TLE3: variants seen among roughly 807,000 people sequenced by gnomAD.
TLE3 encodes the protein TLE family member 3, transcriptional corepressor, also known as transducin-like enhancer protein 3.
A neutral mutation model predicts 93.0 loss-of-function variants in TLE3; 14 were observed. The ratio of observed to expected loss-of-function variants is 0.15; its 90% CI spans 0.10 to 0.24. TLE3 has a LOEUF of 0.24. Ranked by LOEUF, TLE3 falls within the 10% of genes least tolerant of loss-of-function variation. The pLI is 1.00. For synonymous variants in TLE3, 451 were observed against 425.0 expected (o/e 1.06, Z -0.75); for missense variants, 693 against 1,046.6 (o/e 0.66, Z 4.66).
intron 4 of TLE3, among the ~76,000 whole-genome samples, chr15:70,078,441 A>G (rs185410312): frequency 9.1e-4 from 139 of 152,392 alleles, no homozygotes; most frequent in African/African-American, 3.3e-3. Flanking sequence ...TAGGAAGCTC[A>G]CAGGTCCAAG....
intron 16 of TLE3, chr15:70,053,584 G>C: frequency 2.1e-6 from 1 of 481,480 alleles, no homozygotes; most frequent in Non-Finnish European, 3.5e-6. Flanking sequence ...GGTTTGCCCA[G>C]GGACAAGTCC....
intron 8 of TLE3, among the ~76,000 whole-genome samples, chr15:70,064,039 G>T (rs554915231): frequency 6.6e-6 from 1 of 152,282 alleles, no homozygotes; most frequent in East Asian, 1.9e-4. Context: ...GAAGATCCAG[G>T]GCTGGTCAGC....
intron 4 of TLE3, among the ~76,000 whole-genome samples, chr15:70,087,207 C>T (rs764674134): frequency 1.4e-4 from 22 of 152,134 alleles, no homozygotes; most frequent in Non-Finnish European, 2.6e-4. Flanking sequence ...ACAAAATGGT[C>T]CTGTCCCTCA....
At chr15:70,066,880 T>C (rs1397795399) in intron 6 of TLE3, 2 of 353,338 alleles carry the variant, frequency 5.7e-6, no homozygotes, top group Non-Finnish European at 1.2e-5. Flanking sequence ...GCTCTGGCAC[T>C]TCCTAGCTGT....
intron 14 of TLE3, 43 bp from the exon 15 acceptor site, chr15:70,055,341 C>A: frequency 6.5e-7 from 1 of 1,534,712 alleles, no homozygotes. Flanking sequence ...CCACCCCGGC[C>A]CCTCAGAGTT....
At chr15:70,077,155 A>G (rs1022685703) in intron 4 of TLE3, among the ~76,000 whole-genome samples, 29 of 152,364 alleles carry the variant, frequency 1.9e-4, no homozygotes, top group South Asian at 2.1e-4. Flanking sequence ...CCAACACCCT[A>G]GAAAAGACTG....
rs185980106 is a variant in TLE3 at position 70,070,012 on chromosome 15, A to G, written c.373-3794T>C. 3.9e-5 allele frequency among the ~76,000 whole-genome samples: 6 copies of G among 152,382 alleles called. No individual in the cohort carries two copies. The East Asian group carries it at 1.2e-3, about 29-fold the overall frequency. ...TCCCCATGGCAGAGAAATGGAATCA[A>G]TTCCACAATCAGAGACCGCCTGTCT... is the stretch of plus-strand genomic sequence containing the variant. On this transcript the variant is annotated intron_variant, in intron 6 of 19. Coordinates refer to ENST00000451782, the MANE Select transcript of TLE3 (RefSeq NM_001105192.3).
chr15:70,065,874 G>C (rs1048200442), intron 7 of TLE3, 140 bp downstream of exon 7: 2 of 905,214 alleles, frequency 2.2e-6, no homozygotes, highest in Non-Finnish European at 3.4e-6. Flanking sequence ...CCCTGCACCA[G>C]GTATCAACAG....
In TLE3 at chr15:70,059,456, C is replaced by G; in HGVS notation, c.719G>C (p.Ser240Thr). Residue 240 changes from serine (S) to threonine (T), a missense_variant, in exon 10 of 20, where the codon AGT (serine) becomes ACT (threonine). Ser to Thr is a moderately conservative substitution (Grantham distance 58, BLOSUM62 1). Coordinates refer to ENST00000451782, the MANE Select transcript of TLE3 (RefSeq NM_001105192.3). ...EEKDSLSRYD[S>T]DGDKSDDLVV... The stretch of plus-strand genomic sequence containing the variant: ...CAGATCATCACTCTTGTCTCCATCA[C>G]TGTCCTGCAACCAAGAGAGAAGCCA... 1 of 1,609,304 alleles carries G rather than the reference C, an allele frequency of 6.2e-7. No individual in the cohort carries two copies. The highest frequency in any genetic ancestry group is 8.5e-7 in the Non-Finnish European group (1 of 1,177,820).
At chr15:70,074,243 C>T (rs117627301) in intron 6 of TLE3, among the ~76,000 whole-genome samples, 11 of 152,322 alleles carry the variant, frequency 7.2e-5, no homozygotes, top group Non-Finnish European at 1.0e-4. Context: ...CCCCCACCCT[C>T]CTCAATGGCA....
chr15:70,066,470 G>A (rs1032360256), intron 6 of TLE3: 8 of 402,558 alleles, frequency 2.0e-5, no homozygotes, highest in African/African-American at 8.3e-5. Flanking sequence ...CTGCACCCCC[G>A]TTTCACAAAT....
chr15:70,083,288 T>C (rs985058729), intron 4 of TLE3, among the ~76,000 whole-genome samples: 4 of 152,120 alleles, frequency 2.6e-5, no homozygotes, highest in Non-Finnish European at 5.9e-5. Flanking sequence ...TTCCTCAGAC[T>C]TTCAGTTTCC....
chr15:70,065,320 T>TC (rs1315242937), intron 7 of TLE3, among the ~76,000 whole-genome samples: 1 of 152,208 alleles, frequency 6.6e-6, no homozygotes, highest in Non-Finnish European at 1.5e-5. Flanking sequence ...AATGAACCAC[T>TC]CCTGAGGCCA....
intron 4 of TLE3, among the ~76,000 whole-genome samples, chr15:70,089,940 G>A (rs1395450623): frequency 1.3e-5 from 2 of 152,204 alleles, no homozygotes; most frequent in Non-Finnish European, 2.9e-5. Flanking sequence ...CAGAGAATGA[G>A]TCCCGAATTA....
At chr15:70,061,836 GA>G (rs1227370306) in intron 8 of TLE3, among the ~76,000 whole-genome samples, 1 of 152,334 alleles carries the variant, frequency 6.6e-6, no homozygotes, top group Non-Finnish European at 1.5e-5. Context: ...GGAGCTGGAA[GA>G]AAAGGACAGG....
chr15:70,053,178 G>A, intron 17 of TLE3, 49 bp downstream of exon 17: 2 of 1,575,844 alleles, frequency 1.3e-6, no homozygotes, highest in Non-Finnish European at 1.7e-6. Flanking sequence ...GGCCCCGGAG[G>A]GAGGGAACAC....
intron 4 of TLE3, among the ~76,000 whole-genome samples, chr15:70,090,131 G>A (rs1487131505): frequency 6.6e-6 from 1 of 152,174 alleles, no homozygotes; most frequent in East Asian, 1.9e-4. Flanking sequence ...CTTGAGGGGT[G>A]GGGCAACCTC....
intron 4 of TLE3, among the ~76,000 whole-genome samples, chr15:70,093,273 G>C (rs111739040): frequency 3.9e-3 from 599 of 152,194 alleles, no homozygotes; most frequent in African/African-American, 0.014. Flanking sequence ...CCCCTTTCTG[G>C]CTTCCCTTCA....
intron 6 of TLE3, among the ~76,000 whole-genome samples, chr15:70,068,775 T>A (rs1173570074): frequency 6.6e-6 from 1 of 152,170 alleles, no homozygotes. Flanking sequence ...AAAGGTCTCT[T>A]CTCCTACCCA....
Sources: gnomAD v4.1 joint callset for allele counts (sites outside exome capture counted in the v4.1 genomes callset) on GRCh38, gnomAD v4.1.1 for gene constraint, MANE v1.5 for transcripts, NCBI Gene and HGNC (gene_info 2026-07-23, HGNC 2026-07-21) for gene names.